Variants in ABCG1 observed in about 807,000 individuals in gnomAD.
The protein encoded by ABCG1 is ATP-binding cassette sub-family G member 1.
In ABCG1, 29 loss-of-function variants were observed where a neutral mutation model predicts 69.2. The observed-to-expected ratio is 0.42, with a 90% CI of 0.31 to 0.57. The LOEUF is 0.57. ABCG1 is among the 20% of genes least tolerant of loss of function. The probability of loss-of-function intolerance (pLI) is 0.15; values close to 1 mark genes in which losing one functional copy is unlikely to be tolerated. For synonymous variants in ABCG1, 370 were observed against 374.8 expected (o/e 0.99, Z 0.15); for missense variants, 718 against 898.1 (o/e 0.80, Z 2.56).
intron 2 of ABCG1, among the ~76,000 whole-genome samples, chr21:42,207,476 A>T (rs1487290959): frequency 6.6e-6 from 1 of 152,108 alleles, no homozygotes; most frequent in Non-Finnish European, 1.5e-5. Context: ...TATTTTTTCA[A>T]GTCTGCTCAT....
chr21:42,245,074 G>A (rs1415784783), intron 2 of ABCG1, among the ~76,000 whole-genome samples: 1 of 152,250 alleles, frequency 6.6e-6, no homozygotes, highest in Non-Finnish European at 1.5e-5. Flanking sequence ...AGTGGGAGCT[G>A]AGCGTCTGGA....
intron 2 of ABCG1, among the ~76,000 whole-genome samples, chr21:42,228,165 G>T (rs1271527967): frequency 4.6e-5 from 7 of 152,208 alleles, no homozygotes; most frequent in Non-Finnish European, 5.9e-5. Context: ...ATTCTTAGGA[G>T]CGCAGCCCGG....
rs144986379 is a variant in ABCG1, at chr21:42,242,213, T to A, written c.286+16299T>A. On this transcript the variant is annotated intron_variant, in intron 2 of 14. Transcript: ENST00000398449. ...GGAAATATTGGCTTTTTAAAAAGAC[T>A]ATACAATGGGCCTGGCACAGTGGCT... is the stretch of plus-strand genomic sequence containing the variant. 3.2e-3 allele frequency among the ~76,000 whole-genome samples: 484 copies of A among 152,334 alleles called. 3 individuals carry two copies. The highest frequency in any genetic ancestry group is 0.011 in the African/African-American group (460 of 41,574).
At position 42,286,154 on chromosome 21, in the gene ABCG1, T is replaced by A. The variant is rs147941947; in HGVS notation, c.973+160T>A. 1.5e-4 allele frequency: 88 copies of A among 597,674 alleles called. 1 individual carries two copies. Among genetic ancestry groups the A allele is most frequent in the African/African-American group, 1.4e-3 (74 of 53,660 alleles). The allele number at this position is 597,674 out of a possible 1,614,324, so 37.0% of individuals were successfully genotyped here. A position where few individuals can be genotyped will look rare whatever the true frequency, so the allele number is the denominator to read the frequency against. Reference sequence around the variant, plus strand: ...ACGTTTAAAGAACAAAAAAATTAGGTTTCATTTCCTCTAGACTCTAGGTAA... The same window carrying A: ...ACGTTTAAAGAACAAAAAAATTAGGATTCATTTCCTCTAGACTCTAGGTAA... On this transcript the variant is annotated intron_variant, in intron 8 of 14. Coordinates refer to ENST00000398449, the MANE Select transcript of ABCG1 (RefSeq NM_016818.3).
chr21:42,268,532 T>G (rs908868378), intron 2 of ABCG1, among the ~76,000 whole-genome samples: 2 of 152,232 alleles, frequency 1.3e-5, no homozygotes, highest in African/African-American at 4.8e-5. Context: ...CAGGGCAGAC[T>G]AATGTTTACT....
chr21:42,266,826 A>C (rs910200514), intron 2 of ABCG1, among the ~76,000 whole-genome samples: 4 of 152,096 alleles, frequency 2.6e-5, no homozygotes, highest in Non-Finnish European at 5.9e-5. Flanking sequence ...GGGCCCCAAG[A>C]AGATACGTAG....
intron 2 of ABCG1, among the ~76,000 whole-genome samples, chr21:42,205,309 T>C (rs1186829564): frequency 6.6e-6 from 1 of 152,120 alleles, no homozygotes; most frequent in African/African-American, 2.4e-5. Flanking sequence ...GTCAATTTTA[T>C]TGATTGTGGC....
chr21:42,228,566 C>T (rs1156644113), intron 2 of ABCG1, among the ~76,000 whole-genome samples: 3 of 152,218 alleles, frequency 2.0e-5, no homozygotes, highest in Non-Finnish European at 4.4e-5. Context: ...CTTGCCCATG[C>T]TCCTGGGCTT....
chr21:42,223,513 C>T (rs2123512274), intron 1 of ABCG1, among the ~76,000 whole-genome samples: 1 of 152,160 alleles, frequency 6.6e-6, no homozygotes, highest in Middle Eastern at 3.4e-3. Flanking sequence ...GGCGACGGCC[C>T]AGAGGAAAAT....
rs942902641 is a variant in ABCG1 at position 42,273,100 on chromosome 21, T to C, written c.405-203T>C. On this transcript the variant is annotated intron_variant, in intron 3 of 14. Transcript: ENST00000398449. This position sits in a 1 kb window ranked among gnomAD's most constrained non-coding sequence, Gnocchi z 5.3. ...AGCTTCCTCTTCCCAGCAGGAGCTTTCTCTGTGGAATGTCTTCCTCCCGAT... is the reference window on the plus strand; with the variant it reads ...AGCTTCCTCTTCCCAGCAGGAGCTTCCTCTGTGGAATGTCTTCCTCCCGAT... Among the ~76,000 whole-genome samples the C allele has an allele frequency of 1.3e-4, 20 of 152,202 alleles. No individual in the cohort carries two copies. The highest frequency in any genetic ancestry group is 5.9e-4 in the Admixed American group (9 of 15,282).
chr21:42,258,639 C>G (rs566629162), intron 2 of ABCG1, among the ~76,000 whole-genome samples: 1 of 152,150 alleles, frequency 6.6e-6, no homozygotes, highest in South Asian at 2.1e-4. Flanking sequence ...GCCTCTCCAT[C>G]CATCCCTCCA....
chr21:42,214,867 G>T (rs1244649466), upstream of ABCG1, among the ~76,000 whole-genome samples: 2 of 152,190 alleles, frequency 1.3e-5, no homozygotes, highest in East Asian at 3.8e-4. Context: ...ACTTCATATT[G>T]CCATCAGGCA....
At position 42,219,313 on chromosome 21, in the gene ABCG1, G is replaced by T. The variant is rs1181740994; in HGVS notation, c.42+9G>T. On this transcript the variant is annotated intron_variant, in intron 1 of 14. Transcript: ENST00000398449. The surrounding 1 kb of genome is among the most constrained non-coding windows in gnomAD (Gnocchi z 5.3). ...CGGTCGGCACCGCCATGGTGAGTGA[G>T]CGCATCCTTCGTCCGCCGGGAACGG... The T allele has an allele frequency of 6.3e-7, 1 of 1,598,026 alleles. No homozygotes were observed. The highest frequency in any genetic ancestry group is 1.7e-5 in the Admixed American group (1 of 59,210).
Position 42,285,862 on chromosome 21 carries a change from C to T in ABCG1, c.859-18C>T, listed in dbSNP as rs2068930231. On this transcript the variant is annotated intron_variant, in intron 7 of 14. Coordinates refer to ENST00000398449, the MANE Select transcript of ABCG1 (RefSeq NM_016818.3). ...GGAAGGCAGGGCTTGATCCCTTTTTCTCCTTCCTTTTTTCCAGCTTTACGT... is the reference window on the plus strand; with the variant it reads ...GGAAGGCAGGGCTTGATCCCTTTTTTTCCTTCCTTTTTTCCAGCTTTACGT... 1.3e-6 allele frequency: 2 copies of T among 1,584,662 alleles called. No homozygotes were observed. Among genetic ancestry groups the T allele is most frequent in the Non-Finnish European group, 1.7e-6 (2 of 1,154,068 alleles).
At chr21:42,199,936 A>T (rs2067493511) in intron 1 of ABCG1, 1 of 152,270 alleles carries the variant, frequency 6.6e-6, no homozygotes, top group Non-Finnish European at 1.5e-5. Flanking sequence ...GATGTAGATT[A>T]AGAAAAATGT....
At chr21:42,269,636 G>T (rs2068579686) in intron 2 of ABCG1, among the ~76,000 whole-genome samples, 1 of 152,188 alleles carries the variant, frequency 6.6e-6, no homozygotes, top group Non-Finnish European at 1.5e-5. Context: ...CAAGCTTCCT[G>T]ACTGGCTTCC....
At chr21:42,252,670 G>T (rs1392390410) in intron 2 of ABCG1, among the ~76,000 whole-genome samples, 1 of 152,176 alleles carries the variant, frequency 6.6e-6, no homozygotes, top group Non-Finnish European at 1.5e-5. Context: ...CACAGAAAAG[G>T]TGCTTGGAAG....
At chr21:42,212,954 A>G (rs1016993803), upstream of ABCG1, among the ~76,000 whole-genome samples, 5 of 152,182 alleles carry the variant, frequency 3.3e-5, no homozygotes, top group African/African-American at 7.2e-5. Context: ...TGGCCTCCCA[A>G]AGTGCTGGGA....
chr21:42,280,665 G>A (rs1198928433), intron 5 of ABCG1, among the ~76,000 whole-genome samples: 1 of 152,214 alleles, frequency 6.6e-6, no homozygotes, highest in Non-Finnish European at 1.5e-5. Context: ...GGGCAGGGGT[G>A]CGGAGGGAAA....
Sources: gnomAD v4.1 joint callset for allele counts (sites outside exome capture counted in the v4.1 genomes callset) on GRCh38, gnomAD v4.1.1 for gene constraint, Gnocchi (gnomAD v3.1) non-coding constraint, MANE v1.5 for transcripts, NCBI Gene and HGNC (gene_info 2026-07-23, HGNC 2026-07-21) for gene names.